Variants in SOX5 observed in about 807,000 individuals in gnomAD.
SOX5 encodes the protein SRY-box transcription factor 5.
Under a neutral mutation model 92.0 loss-of-function variants are expected in SOX5, and 9 were observed. The ratio of observed to expected loss-of-function variants is 0.10; its 90% CI spans 0.06 to 0.17. The LOEUF (loss-of-function observed/expected upper bound fraction) is 0.17, where lower values mean the gene tolerates loss of function less well. Among genes scored for constraint, SOX5 ranks in the 10% least tolerant of loss-of-function variants. The pLI, the probability that SOX5 is intolerant of heterozygous loss-of-function variation, is 1.00. For synonymous variants in SOX5, 344 were observed against 336.3 expected, an observed-to-expected ratio of 1.02 and a Z score of -0.25; for missense variants, 642 against 944.5, an observed-to-expected ratio of 0.68 and a Z score of 4.20.
Position 23,966,645 on chromosome 12 carries a change from G to A in SOX5, c.-1-70621C>T, listed in dbSNP as rs75554745. On this transcript the variant is annotated intron_variant, in intron 4 of 4. Coordinates refer to the SOX5 transcript ENST00000446891. Reference sequence around the variant, plus strand: ...ATGAATAAACACAAACATTTATTATGTGCGTGTCTAAGAACCTAGGTTCAA... The same window carrying A: ...ATGAATAAACACAAACATTTATTATATGCGTGTCTAAGAACCTAGGTTCAA... Among the ~76,000 whole-genome samples, 356 of 150,238 alleles carry A rather than the reference G, an allele frequency of 2.4e-3. 14 individuals are homozygous for A. The East Asian group carries it at 0.076, about 32-fold the overall frequency.
intron 4 of SOX5, among the ~76,000 whole-genome samples, chr12:24,134,992 A>G (rs1006382306): frequency 6.6e-6 from 1 of 152,218 alleles, no homozygotes; most frequent in Admixed American, 6.5e-5. Flanking sequence ...CAGCCTTGCC[A>G]TGAATCAGGC....
intron 3 of SOX5, among the ~76,000 whole-genome samples, chr12:24,252,114 A>T (rs540313286): frequency 6.6e-6 from 1 of 152,302 alleles, no homozygotes; most frequent in South Asian, 2.1e-4. Flanking sequence ...GAAAAGAAAG[A>T]CATCTCCTAT....
At chr12:24,420,141 G>C (rs1965695805) in intron 1 of SOX5, among the ~76,000 whole-genome samples, 1 of 152,146 alleles carries the variant, frequency 6.6e-6, no homozygotes, top group Non-Finnish European at 1.5e-5. Context: ...TATTTTGACA[G>C]GAAATTTGAT....
rs564852831 is a variant in SOX5 at position 24,372,934 on chromosome 12, C to T, written c.-250-4295G>A. 1.6e-4 allele frequency among the ~76,000 whole-genome samples: 18 copies of T among 112,834 alleles called. No individual in the cohort carries two copies. The South Asian group carries it at 4.1e-3, about 26-fold the overall frequency. 74.0% of individuals were successfully genotyped at this position (112,834 alleles called of 152,430 possible). ...TTCAAGACCAGCCTGGGAAAAATGG[C>T]AAAACCCCATCTCTACCAAAAAAAA... On this transcript the variant is annotated intron_variant, in intron 1 of 4. Transcript: ENST00000446891.
chr12:24,018,675 T>C (rs917662014), intron 4 of SOX5, among the ~76,000 whole-genome samples: 1 of 152,084 alleles, frequency 6.6e-6, no homozygotes, highest in Non-Finnish European at 1.5e-5. Flanking sequence ...CATGTGCCAA[T>C]AATCCCAGTT....
intron 4 of SOX5, among the ~76,000 whole-genome samples, chr12:24,071,269 A>C (rs964528674): frequency 3.9e-5 from 6 of 152,188 alleles, no homozygotes; most frequent in African/African-American, 1.4e-4. Context: ...ACCCCATTCT[A>C]TCTGGCAGGT....
chr12:24,309,294 A>G (rs1399548519), intron 2 of SOX5, among the ~76,000 whole-genome samples: 2 of 152,172 alleles, frequency 1.3e-5, no homozygotes, highest in Non-Finnish European at 2.9e-5. Context: ...TTAATTGTCA[A>G]TTTGCATCTT....
In SOX5 at chr12:24,277,479, AATATATATGTAAATTT is replaced by A. The variant is rs1565810546; in HGVS notation, c.-173-183_-173-168del. 1.6e-3 allele frequency among the ~76,000 whole-genome samples: 134 copies of A among 82,894 alleles called. 1 individual carries two copies. The highest frequency in any genetic ancestry group is 6.6e-3 in the Admixed American group (56 of 8,428). The allele number at this position is 82,894 out of a possible 152,430, so 54.4% of individuals were successfully genotyped here. Reference sequence around the variant, plus strand: ...ATGTAAATTTACATTTAAATATATAAATATATATGTAAATTTACATTTAAATATATAAATATATATT... The same window carrying A: ...ATGTAAATTTACATTTAAATATATAAACATTTAAATATATAAATATATATT... On this transcript the variant is annotated intron_variant, in intron 2 of 4. Coordinates refer to the SOX5 transcript ENST00000446891.
rs142500565 is a variant in SOX5 at position 23,788,690 on chromosome 12, C to T, written c.482-32966G>A. Among the ~76,000 whole-genome samples the T allele has an allele frequency of 1.5e-3, 222 of 151,856 alleles. No individual in the cohort carries two copies. In the East Asian group the frequency reaches 0.021, roughly 14 times the overall value. On this transcript the variant is annotated intron_variant, in intron 3 of 14. Transcript: ENST00000451604. ...AAGTGAGCTTTTGATAAGAATTTAA[C>T]GGCAGAGAGTTCAGATTTTATACAA...
chr12:24,398,051 C>T (rs1031948723), intron 1 of SOX5, among the ~76,000 whole-genome samples: 1 of 152,036 alleles, frequency 6.6e-6, no homozygotes, highest in South Asian at 2.1e-4. Context: ...GGGGTTTCAC[C>T]ATGTTAGCCA....
intron 3 of SOX5, among the ~76,000 whole-genome samples, chr12:24,218,011 T>C (rs1183048152): frequency 1.3e-5 from 2 of 152,150 alleles, no homozygotes; most frequent in Non-Finnish European, 2.9e-5. Context: ...GTGGGAACGC[T>C]CATAGATTGC....
intron 1 of SOX5, among the ~76,000 whole-genome samples, chr12:24,506,488 G>A (rs1948758788): frequency 6.6e-6 from 1 of 150,952 alleles, no homozygotes; most frequent in South Asian, 2.1e-4. Context: ...TTACTGAATT[G>A]CCTTCAGTAG....
intron 3 of SOX5, chr12:24,223,424 C>T (rs2139824244): frequency 6.6e-6 from 1 of 152,098 alleles, no homozygotes; most frequent in South Asian, 2.1e-4. Context: ...ATTAATATTC[C>T]CCATGATTAG....
chr12:24,075,577 T>C (rs1478270685), intron 4 of SOX5, among the ~76,000 whole-genome samples: 2 of 152,146 alleles, frequency 1.3e-5, no homozygotes, highest in African/African-American at 4.8e-5. Flanking sequence ...CAAAAGTTTT[T>C]CTACAAGAAT....
At chr12:24,435,104 G>C (rs563838328) in intron 1 of SOX5, among the ~76,000 whole-genome samples, 35 of 152,318 alleles carry the variant, frequency 2.3e-4, no homozygotes, top group Non-Finnish European at 5.0e-4. Context: ...GAAGGGCATA[G>C]AGCCCAAAGT....
intron 4 of SOX5, among the ~76,000 whole-genome samples, chr12:23,970,583 G>C (rs919759446): frequency 2.6e-5 from 4 of 151,018 alleles, no homozygotes; most frequent in African/African-American, 9.7e-5. Flanking sequence ...ATTTTACTGA[G>C]CATAAAGTTT....
intron 1 of SOX5, among the ~76,000 whole-genome samples, chr12:23,945,755 C>T (rs1944485307): frequency 6.6e-6 from 1 of 152,082 alleles, no homozygotes; most frequent in Non-Finnish European, 1.5e-5. Flanking sequence ...AGAATGTGAA[C>T]AGATAACTTT....
intron 4 of SOX5, among the ~76,000 whole-genome samples, chr12:23,747,285 TACA>T (rs2094019027): frequency 6.6e-6 from 1 of 152,180 alleles, no homozygotes; most frequent in Non-Finnish European, 1.5e-5. Flanking sequence ...TTGCCTTTAC[TACA>T]ACAATTGCTT....
chr12:24,364,246 A>G (rs1014220474), intron 2 of SOX5, among the ~76,000 whole-genome samples: 4 of 152,026 alleles, frequency 2.6e-5, no homozygotes, highest in Admixed American at 2.6e-4. Context: ...TGCTCCTTAA[A>G]AGCCCTTAAA....
Sources: gnomAD v4.1 joint callset for allele counts (sites outside exome capture counted in the v4.1 genomes callset) on GRCh38, gnomAD v4.1.1 for gene constraint, MANE v1.5 for transcripts, NCBI Gene and HGNC (gene_info 2026-07-23, HGNC 2026-07-21) for gene names.